TACR3: variants seen among roughly 807,000 people sequenced by gnomAD.
TACR3 encodes neuromedin-K receptor.
Under a neutral mutation model 35.0 loss-of-function variants are expected in TACR3, and 34 were observed. The observed-to-expected ratio is 0.97, with a 90% confidence interval of 0.74 to 1.30. TACR3 has a LOEUF of 1.30. TACR3 is among the 50% of genes most tolerant of loss of function. The probability of loss-of-function intolerance (pLI) is 0.00; values close to 1 mark genes in which losing one functional copy is unlikely to be tolerated. For missense variants in TACR3, 558 were observed against 591.7 expected, an observed-to-expected ratio of 0.94 and a Z score of 0.59; for synonymous variants, 233 against 221.1, an observed-to-expected ratio of 1.05 and a Z score of -0.48.
At chr4:103,716,215 TTGTGTGTGTGTGTGTG>T (rs56790385) in intron 1 of TACR3, among the ~76,000 whole-genome samples, 11 of 143,324 alleles carry the variant, frequency 7.7e-5, no homozygotes, top group South Asian at 4.6e-4. Flanking sequence ...TAATTTTATC[TTGTGTGTGTGTGTGTG>T]TGTGTGTGTG....
chr4:103,675,904 C>G (rs559090456), intron 1 of TACR3, among the ~76,000 whole-genome samples: 11 of 151,978 alleles, frequency 7.2e-5, no homozygotes, highest in South Asian at 2.1e-4. Flanking sequence ...AGATCTGAAC[C>G]GAAAAATCGA....
intron 1 of TACR3, among the ~76,000 whole-genome samples, chr4:103,688,635 A>G (rs1252097049): frequency 5.4e-5 from 8 of 147,006 alleles, no homozygotes; most frequent in South Asian, 2.2e-4. Context: ...GCAGCCAAAA[A>G]ACACATGAAA....
chr4:103,602,582 CTGTT>C (rs1204981030), intron 3 of TACR3, among the ~76,000 whole-genome samples: 2 of 151,748 alleles, frequency 1.3e-5, no homozygotes, highest in Non-Finnish European at 2.9e-5. Context: ...GATGTCCTTT[CTGTT>C]TGTTAGTTTT....
In TACR3 at chr4:103,683,590, T is replaced by C. The variant is rs931261154; in HGVS notation, c.549-25187A>G. ...CAAAAAGAGTATAATACTACACACA[T>C]ATATAAATAGATAAAATAGACCAGT... On this transcript the variant is annotated intron_variant, in intron 1 of 4. Coordinates refer to ENST00000304883, the MANE Select transcript of TACR3 (RefSeq NM_001059.3). 4.7e-5 allele frequency among the ~76,000 whole-genome samples: 7 copies of C among 148,896 alleles called. No homozygotes were observed. The East Asian group carries it at 8.0e-4, about 17-fold the overall frequency.
At chr4:103,706,632 G>A (rs991251023) in intron 1 of TACR3, among the ~76,000 whole-genome samples, 7 of 152,122 alleles carry the variant, frequency 4.6e-5, no homozygotes, top group East Asian at 3.9e-4. Flanking sequence ...ACTGGGGGGA[G>A]CATTGCAATG....
At chr4:103,674,315 G>GT (rs372315536) in intron 1 of TACR3, among the ~76,000 whole-genome samples, 2,040 of 143,970 alleles carry the variant, frequency 0.014, 28 homozygotes, top group African/African-American at 0.032. Flanking sequence ...ATGTTTTTCT[G>GT]TTTTTTTTTT....
chr4:103,698,461 C>T (rs1722575311), intron 1 of TACR3, among the ~76,000 whole-genome samples: 1 of 151,850 alleles, frequency 6.6e-6, no homozygotes, highest in African/African-American at 2.4e-5. Flanking sequence ...TGATCATTAT[C>T]CATGAGATTA....
chr4:103,718,508 G>A (rs76223995), intron 1 of TACR3, among the ~76,000 whole-genome samples: 4,161 of 152,288 alleles, frequency 0.027, 208 homozygotes, highest in African/African-American at 0.096. Context: ...CAGATTACTG[G>A]AAATTAAATC....
intron 1 of TACR3, among the ~76,000 whole-genome samples, chr4:103,715,482 T>C (rs191619407): frequency 6.6e-6 from 1 of 152,280 alleles, no homozygotes; most frequent in African/African-American, 2.4e-5. Flanking sequence ...GCTTCCTGTA[T>C]AGCCTGGGGA....
chr4:103,665,348 C>G lies in TACR3; in HGVS notation c.549-6945G>C, dbSNP rs190228894. On this transcript the variant is annotated intron_variant, in intron 1 of 4. Coordinates refer to ENST00000304883, the MANE Select transcript of TACR3 (RefSeq NM_001059.3). ...ATATTATCTGTCAAGAAACAAATCA[C>G]TTGTTCATCTAAAATTCTTTGATTT... Among the ~76,000 whole-genome samples the G allele has an allele frequency of 3.4e-4, 51 of 148,334 alleles. 1 individual carries two copies. The highest frequency in any genetic ancestry group is 3.2e-3 in the Admixed American group (47 of 14,810).
chr4:103,608,178 A>T (rs1724429173), intron 3 of TACR3, among the ~76,000 whole-genome samples: 1 of 152,128 alleles, frequency 6.6e-6, no homozygotes, highest in South Asian at 2.1e-4. Context: ...TCGATAATAG[A>T]TTGGATAAAG....
At position 103,591,534 on chromosome 4, in the gene TACR3, C is replaced by A. The variant is rs1414860235; in HGVS notation, c.1038G>T (p.Met346Ile). Residue 346 changes from methionine to isoleucine, a missense_variant, in exon 4 of 5, where the codon ATG becomes ATT. Coordinates refer to ENST00000304883, the MANE Select transcript of TACR3 (RefSeq NM_001059.3). Reference sequence around the variant, plus strand: ...TGATGGGATTGTACATGGTTGAGCTCATTGCCAGCCAAAAGCTAGCCAGGT... The same window carrying A: ...TGATGGGATTGTACATGGTTGAGCTAATTGCCAGCCAAAAGCTAGCCAGGT... ...QVYLASFWLA[M>I]SSTMYNPIIY... 6.2e-7 allele frequency: 1 copy of A among 1,613,874 alleles called. No individual in the cohort carries two copies. Among genetic ancestry groups the A allele is most frequent in the East Asian group, 2.2e-5 (1 of 44,860 alleles).
In TACR3 at chr4:103,611,390, G is replaced by A. The variant is rs1724507993; in HGVS notation, c.889-19707C>T. Among the ~76,000 whole-genome samples, 4 of 152,098 alleles carry A rather than the reference G, an allele frequency of 2.6e-5. No individual in the cohort carries two copies. The South Asian group carries it at 6.2e-4, about 24-fold the overall frequency. On this transcript the variant is annotated intron_variant, in intron 3 of 4. Transcript: ENST00000304883. ...CTTTATTTTTTTGTAGCTATTGTAA[G>A]TGGGATTGATTTCTTAATTTCTTTT...
At chr4:103,694,771 T>C (rs77497207) in intron 1 of TACR3, among the ~76,000 whole-genome samples, 3,279 of 152,260 alleles carry the variant, frequency 0.022, 128 homozygotes, top group African/African-American at 0.074. Context: ...AGATTTGCTA[T>C]ATAAATATCA....
intron 3 of TACR3, among the ~76,000 whole-genome samples, chr4:103,653,421 A>C (rs981465488): frequency 2.6e-5 from 4 of 152,146 alleles, no homozygotes; most frequent in African/African-American, 4.8e-5. Flanking sequence ...CATTACATGC[A>C]TATGAAGAAA....
rs57837921 is a variant in TACR3, at chr4:103,618,564, C to CTTTTT, written c.889-26886_889-26882dup. 1.9e-3 allele frequency among the ~76,000 whole-genome samples: 114 copies of CTTTTT among 61,446 alleles called. 7 individuals carry two copies. The highest frequency in any genetic ancestry group is 9.8e-3 in the African/African-American group (108 of 11,018). The allele number at this position is 61,446 out of a possible 152,430, so 40.3% of individuals were successfully genotyped here. A position where few individuals can be genotyped will look rare whatever the true frequency, so the allele number is the denominator to read the frequency against. Reference sequence around the variant, plus strand: ...CTTAGGATTGCTTTGGTGACTTGGGCTTTTTTTTTTTTTTTTTTTTTTTTT... The same window carrying CTTTTT: ...CTTAGGATTGCTTTGGTGACTTGGGCTTTTTTTTTTTTTTTTTTTTTTTTTTTTTT... On this transcript the variant is annotated intron_variant, in intron 3 of 4. Coordinates refer to ENST00000304883, the MANE Select transcript of TACR3 (RefSeq NM_001059.3).
intron 1 of TACR3, among the ~76,000 whole-genome samples, chr4:103,687,809 A>G (rs1250269105): frequency 6.6e-6 from 1 of 152,176 alleles, no homozygotes; most frequent in African/African-American, 2.4e-5. Context: ...TATCGTGAAA[A>G]TGGCCATACT....
At chr4:103,659,326 A>T (rs1251668826) in intron 1 of TACR3, among the ~76,000 whole-genome samples, 2 of 152,220 alleles carry the variant, frequency 1.3e-5, no homozygotes, top group Non-Finnish European at 2.9e-5. Flanking sequence ...ATGGAATTGG[A>T]AAAGCACTTA....
chr4:103,646,502 G>A (rs1455913565), intron 3 of TACR3, among the ~76,000 whole-genome samples: 2 of 151,902 alleles, frequency 1.3e-5, no homozygotes, highest in African/African-American at 4.8e-5. Context: ...TCATACAGCT[G>A]TTGATTAGTA....
Sources: gnomAD v4.1 joint callset for allele counts (sites outside exome capture counted in the v4.1 genomes callset) on GRCh38, gnomAD v4.1.1 for gene constraint, MANE v1.5 for transcripts, NCBI Gene and HGNC (gene_info 2026-07-23, HGNC 2026-07-21) for gene names.